The following NBEAL1 variants were observed in gnomAD, a reference collection of about 807,000 sequenced individuals.
NBEAL1 encodes neurobeachin like 1, also known as neurobeachin-like protein 1.
Under a neutral mutation model 351.3 loss-of-function variants are expected in NBEAL1, and 273 were observed. The ratio of observed to expected loss-of-function variants is 0.78; its 90% CI spans 0.70 to 0.86. NBEAL1 has a LOEUF of 0.86. Ranked by LOEUF, NBEAL1 falls within the 40% of genes least tolerant of loss-of-function variation. The pLI is 0.00. For missense variants in NBEAL1, 2,961 were observed against 3,201.3 expected, an observed-to-expected ratio of 0.92 and a Z score of 1.81; for synonymous variants, 1,050 against 1,086.4, an observed-to-expected ratio of 0.97 and a Z score of 0.66.
At chr2:203,090,323 A>G (rs1049280762) in intron 10 of NBEAL1, among the ~76,000 whole-genome samples, 2 of 152,052 alleles carry the variant, frequency 1.3e-5, no homozygotes, top group African/African-American at 4.8e-5. Flanking sequence ...CCAATGGATA[A>G]TTTTTCAACC....
chr2:203,213,039 A>G (rs1285490099), intron 54 of NBEAL1, among the ~76,000 whole-genome samples: 1 of 152,206 alleles, frequency 6.6e-6, no homozygotes, highest in Admixed American at 6.5e-5. Context: ...GTTAGTATCC[A>G]TATAGAATCC....
At chr2:203,136,526 G>A (rs559167489) in intron 28 of NBEAL1, 73 bp from the exon 29 acceptor site, 66 of 1,116,700 alleles carry the variant, frequency 5.9e-5, no homozygotes, top group Non-Finnish European at 7.9e-5. Context: ...ATGAGTATAT[G>A]TAATGGTTCT....
chr2:203,095,544 G>C (rs1294002455), intron 10 of NBEAL1, among the ~76,000 whole-genome samples: 2 of 152,126 alleles, frequency 1.3e-5, no homozygotes. Flanking sequence ...GCCCGCCTCA[G>C]CCTCCCAAAG....
intron 51 of NBEAL1, among the ~76,000 whole-genome samples, chr2:203,203,575 G>A (rs532277656): frequency 3.3e-5 from 5 of 152,170 alleles, no homozygotes; most frequent in African/African-American, 7.2e-5. Context: ...CCAGCTGAGC[G>A]TGGGACATGC....
At chr2:203,139,557 CTTTT>C (rs370861737) in intron 31 of NBEAL1, among the ~76,000 whole-genome samples, 2 of 67,664 alleles carry the variant, frequency 3.0e-5, no homozygotes, top group Non-Finnish European at 5.4e-5. Context: ...CCACCCCCAC[CTTTT>C]TTTTTTTTTT....
Position 203,217,909 on chromosome 2 carries a change from A to G in NBEAL1, c.*555A>G, listed in dbSNP as rs1236131936. ...TGAAACTGGTACATTAGCTAATTCT[A>G]TTACTACTTAGCGTGTTTCTAATGA... is the stretch of plus-strand genomic sequence containing the variant. On this transcript the variant is annotated 3_prime_UTR_variant, in exon 56 of 56. Coordinates refer to ENST00000683969, the MANE Select transcript of NBEAL1 (RefSeq NM_001378026.1). 4 of 969,726 alleles carry G rather than the reference A, an allele frequency of 4.1e-6. No homozygotes were observed. The highest frequency in any genetic ancestry group is 9.5e-5 in the South Asian group (2 of 20,954). The allele number at this position is 969,726 out of a possible 1,614,324, so 60.1% of individuals were successfully genotyped here.
intron 6 of NBEAL1, among the ~76,000 whole-genome samples, chr2:203,060,696 TTAAC>T (rs1396836458): frequency 3.3e-5 from 5 of 152,210 alleles, no homozygotes; most frequent in Non-Finnish European, 5.9e-5. Context: ...GAGACCCTCT[TTAAC>T]AATGAACCGC....
intron 7 of NBEAL1, among the ~76,000 whole-genome samples, chr2:203,076,499 A>C (rs938062868): frequency 6.6e-6 from 1 of 151,500 alleles, no homozygotes; most frequent in African/African-American, 2.4e-5. Context: ...ACAAACAAAA[A>C]AAAAAGTAGA....
chr2:203,030,127 T>C (rs539501740), intron 2 of NBEAL1, among the ~76,000 whole-genome samples: 292 of 152,004 alleles, frequency 1.9e-3, no homozygotes, highest in Non-Finnish European at 3.6e-3. Flanking sequence ...AAAGGAAGAG[T>C]GGTCCTTAAG....
At chr2:203,167,697 C>A (rs1224307046) in intron 38 of NBEAL1, among the ~76,000 whole-genome samples, 1 of 152,110 alleles carries the variant, frequency 6.6e-6, no homozygotes, top group East Asian at 1.9e-4. Context: ...GAATCTATTT[C>A]TTCTAGGAAT....
At position 203,221,593 on chromosome 2, in the gene NBEAL1, C is replaced by T. The variant is rs2065954767; in HGVS notation, c.*4239C>T. On this transcript the variant is annotated 3_prime_UTR_variant, in exon 56 of 56. Transcript: ENST00000683969. ...TCATCAGCCATACTCATGGCTTATC[C>T]TACGCATTGTTCCTCTCATCAGCTG... is the stretch of plus-strand genomic sequence containing the variant. Among the ~76,000 whole-genome samples, 1 of 152,062 alleles carries T rather than the reference C, an allele frequency of 6.6e-6. No homozygotes were observed. Among genetic ancestry groups the T allele is most frequent in the African/African-American group, 2.4e-5 (1 of 41,386 alleles).
rs372214097 is a variant in NBEAL1 at position 203,199,365 on chromosome 2, G to A, written c.7156G>A (p.Gly2386Arg). ...LITISMNYVIGTHGWLPYDRN... is the reference protein window; with the variant it reads ...LITISMNYVIRTHGWLPYDRN... ...AACAATAAGCATGAATTATGTTATT[G>A]GAACCCATGGATGGTTGCCTTATGA... Residue 2386 changes from glycine (G) to arginine (R), a missense_variant, in exon 49 of 56, where the codon GGA (glycine) becomes AGA (arginine). Coordinates refer to ENST00000683969, the MANE Select transcript of NBEAL1 (RefSeq NM_001378026.1). The A allele has an allele frequency of 1.2e-5, 19 of 1,599,260 alleles. No individual in the cohort carries two copies. The highest frequency in any genetic ancestry group is 9.4e-5 in the African/African-American group (7 of 74,508).
Position 203,188,894 on chromosome 2 carries a change from C to T in NBEAL1, c.6823+305C>T, listed in dbSNP as rs376059753. On this transcript the variant is annotated intron_variant, in intron 45 of 55. Coordinates refer to ENST00000683969, the MANE Select transcript of NBEAL1 (RefSeq NM_001378026.1). ...AACAGTAGCAGATTTTGAAACAAGG[C>T]CTTTGAAGTTACAAATAACAGATTC... is the stretch of plus-strand genomic sequence containing the variant. Among the ~76,000 whole-genome samples, 13 of 152,254 alleles carry T rather than the reference C, an allele frequency of 8.5e-5. No individual in the cohort carries two copies. The South Asian group carries it at 2.5e-3, about 29-fold the overall frequency.
intron 2 of NBEAL1, among the ~76,000 whole-genome samples, chr2:203,019,960 T>C (rs532854044): frequency 1.5e-4 from 23 of 152,192 alleles, no homozygotes; most frequent in Non-Finnish European, 2.9e-4. Context: ...AGTATAAAAC[T>C]TGGCAATTTA....
rs2065963222 is a variant in NBEAL1 at position 203,222,457 on chromosome 2, G to T, written c.*5103G>T. Among the ~76,000 whole-genome samples the T allele has an allele frequency of 6.6e-6, 1 of 151,978 alleles. No homozygotes were observed. Among genetic ancestry groups the T allele is most frequent in the Non-Finnish European group, 1.5e-5 (1 of 67,998 alleles). On this transcript the variant is annotated 3_prime_UTR_variant, in exon 56 of 56. Coordinates refer to ENST00000683969, the MANE Select transcript of NBEAL1 (RefSeq NM_001378026.1). ...AATATTCAGACTTATTTGAAAATAG[G>T]CTTAATCATTATCCTGAGGGACATT... is the stretch of plus-strand genomic sequence containing the variant.
At chr2:203,039,310 C>T (rs867225983) in intron 2 of NBEAL1, among the ~76,000 whole-genome samples, 3 of 48,066 alleles carry the variant, frequency 6.2e-5, no homozygotes, top group Non-Finnish European at 1.2e-4. Context: ...TGGCCCTCCC[C>T]TCCCCCCCTC....
intron 3 of NBEAL1, 144 bp downstream of exon 3, chr2:203,042,000 A>C: frequency 1.6e-6 from 1 of 637,792 alleles, no homozygotes; most frequent in South Asian, 2.0e-5. Context: ...AGACATAGCT[A>C]ATTGATGACA....
At chr2:203,138,122 A>G in intron 29 of NBEAL1, 40 bp from the exon 30 acceptor site, 1 of 1,599,270 alleles carries the variant, frequency 6.3e-7, no homozygotes, top group East Asian at 2.2e-5. Context: ...TGTTTTTCTA[A>G]GCTCACAATG....
At chr2:203,138,802 T>C in intron 31 of NBEAL1, 54 bp downstream of exon 31, 2 of 1,499,920 alleles carry the variant, frequency 1.3e-6, no homozygotes, top group Non-Finnish European at 1.8e-6. Flanking sequence ...ATAGGTATTA[T>C]TTATGTAACA....
Sources: gnomAD v4.1 joint callset for allele counts (sites outside exome capture counted in the v4.1 genomes callset) on GRCh38, gnomAD v4.1.1 for gene constraint, MANE v1.5 for transcripts, NCBI Gene and HGNC (gene_info 2026-07-23, HGNC 2026-07-21) for gene names.